Variants in VIT observed in about 807,000 individuals in gnomAD.
VIT encodes the protein vitrin.
VIT carries 99 observed loss-of-function variants against 78.0 expected under a neutral mutation model. That is an observed-to-expected ratio of 1.27 (90% CI 1.08 to 1.50). The LOEUF (loss-of-function observed/expected upper bound fraction) is 1.50, where lower values mean the gene tolerates loss of function less well. Ranked by LOEUF, VIT falls within the 40% of genes most tolerant of loss-of-function variation. The pLI, the probability that VIT is intolerant of heterozygous loss-of-function variation, is 0.00. For synonymous variants in VIT, 374 were observed against 334.3 expected (o/e 1.12, Z -1.29); for missense variants, 1,126 against 875.3 (o/e 1.29, Z -3.61).
intron 1 of VIT, among the ~76,000 whole-genome samples, chr2:36,713,312 C>A (rs577658655): frequency 2.0e-5 from 3 of 152,232 alleles, no homozygotes; most frequent in Admixed American, 2.0e-4. Context: ...GTGCAGAGAC[C>A]CTGAGGTAAA....
At chr2:36,731,463 C>T (rs956015877) in intron 3 of VIT, among the ~76,000 whole-genome samples, 6 of 151,916 alleles carry the variant, frequency 3.9e-5, no homozygotes, top group Middle Eastern at 3.4e-3. Context: ...TTAGTAGAAA[C>T]GGGGTTTCAC....
At chr2:36,708,369 T>A (rs1356546093) in intron 1 of VIT, among the ~76,000 whole-genome samples, 2 of 152,196 alleles carry the variant, frequency 1.3e-5, no homozygotes, top group African/African-American at 2.4e-5. Context: ...AGAGTATGGT[T>A]GGGTGCTCCC....
chr2:36,808,402 A>T (rs547557617), intron 14 of VIT, 70 bp from the exon 15 acceptor site: 571 of 1,518,874 alleles, frequency 3.8e-4, no homozygotes, highest in Non-Finnish European at 4.8e-4. Context: ...GCCCCGGGGG[A>T]TCAAGCCTAA....
At position 36,783,385 on chromosome 2, in the gene VIT, T is replaced by C. The variant is rs773001388; in HGVS notation, c.893T>C (p.Val298Ala). ...EELSTQSLEP[V>A]SLGDPNCKID... ...TTGAGCACACAGTCTTTGGAGCCAG[T>C]ATCCCTGGGAGATCCAAGTAAGTTA... is the stretch of plus-strand genomic sequence containing the variant. The change falls in exon 11 of 16, where the codon GTA becomes GCA. Residue 298 changes from valine to alanine, a missense_variant. Transcript: ENST00000379242. 1.2e-6 allele frequency: 2 copies of C among 1,614,078 alleles called. No individual in the cohort carries two copies. The highest frequency in any genetic ancestry group is 1.3e-5 in the African/African-American group (1 of 74,930).
At chr2:36,762,951 T>G (rs1262577875) in intron 6 of VIT, among the ~76,000 whole-genome samples, 1 of 152,216 alleles carries the variant, frequency 6.6e-6, no homozygotes, top group African/African-American at 2.4e-5. Flanking sequence ...GGCAGGCAGC[T>G]GCTTTTTGGC....
chr2:36,742,924 C>G (rs1667920221), intron 3 of VIT, among the ~76,000 whole-genome samples, 176 bp from the exon 4 acceptor site: 1 of 152,122 alleles, frequency 6.6e-6, no homozygotes, highest in Non-Finnish European at 1.5e-5. Context: ...CATTGTGGTT[C>G]TTTTGGTCTG....
intron 6 of VIT, chr2:36,759,273 C>G: frequency 6.8e-7 from 1 of 1,474,772 alleles, no homozygotes. Flanking sequence ...GATTGTGTCT[C>G]TATATTTGTG....
rs145652232 is a variant in VIT at position 36,798,011 on chromosome 2, C to T, written c.1059-3290C>T. Among the ~76,000 whole-genome samples, 468 of 151,856 alleles carry T rather than the reference C, an allele frequency of 3.1e-3. 3 individuals carry two copies. Among genetic ancestry groups the T allele is most frequent in the African/African-American group, 0.01 (433 of 41,382 alleles). ...AGATGAGGGAAGAAGTGAGCAAATG[C>T]ACAAAGCTAGAAAAGTGGGAAAGGG... On this transcript the variant is annotated intron_variant, in intron 12 of 15. Coordinates refer to ENST00000379242, the MANE Select transcript of VIT (RefSeq NM_053276.4).
At chr2:36,743,803 AT>A (rs928073863) in intron 4 of VIT, among the ~76,000 whole-genome samples, 5 of 149,760 alleles carry the variant, frequency 3.3e-5, no homozygotes, top group Admixed American at 6.7e-5. Flanking sequence ...CTCTTTTTTA[AT>A]TTTTTTTTTC....
chr2:36,750,448 G>A (rs576468193), intron 4 of VIT, among the ~76,000 whole-genome samples: 1 of 152,132 alleles, frequency 6.6e-6, no homozygotes, highest in African/African-American at 2.4e-5. Context: ...GGCACTTGCT[G>A]GGTCTCTCTT....
chr2:36,731,521 C>T (rs899292255), intron 3 of VIT, among the ~76,000 whole-genome samples: 4 of 152,150 alleles, frequency 2.6e-5, no homozygotes, highest in Non-Finnish European at 4.4e-5. Flanking sequence ...GATCCACCTG[C>T]CTTGGCCTCA....
At chr2:36,748,138 A>T (rs945537002) in intron 4 of VIT, among the ~76,000 whole-genome samples, 1 of 151,956 alleles carries the variant, frequency 6.6e-6, no homozygotes, top group African/African-American at 2.4e-5. Context: ...TGACCCTTTG[A>T]TTACCTTTAA....
Position 36,781,779 on chromosome 2 carries a change from T to C in VIT, c.847+8T>C. The stretch of plus-strand genomic sequence containing the variant: ...CGGTCCTTTTAGATGAAGGTAATTA[T>C]ACAGCCCAACCTCTCAGCCACGCGT... On this transcript the variant is annotated splice_region_variant and intron_variant, in intron 10 of 15. Coordinates refer to ENST00000379242, the MANE Select transcript of VIT (RefSeq NM_053276.4). 1 of 1,614,176 alleles carries C rather than the reference T, an allele frequency of 6.2e-7. No individual in the cohort carries two copies. Among genetic ancestry groups the C allele is most frequent in the Non-Finnish European group, 8.5e-7 (1 of 1,180,006 alleles).
chr2:36,797,763 A>T (rs1055345613), intron 12 of VIT, among the ~76,000 whole-genome samples: 1 of 152,240 alleles, frequency 6.6e-6, no homozygotes, highest in East Asian at 1.9e-4. Flanking sequence ...GAGATGCATG[A>T]TGGGGCTAGC....
chr2:36,791,662 AG>A (rs1665512019), intron 12 of VIT, among the ~76,000 whole-genome samples: 1 of 152,150 alleles, frequency 6.6e-6, no homozygotes, highest in African/African-American at 2.4e-5. Flanking sequence ...TTGAAGATGG[AG>A]GAAAGGGACA....
At chr2:36,767,710 G>T (rs1373573636) in intron 7 of VIT, among the ~76,000 whole-genome samples, 1 of 152,132 alleles carries the variant, frequency 6.6e-6, no homozygotes, top group Non-Finnish European at 1.5e-5. Context: ...TTTTCTGATG[G>T]TTTTTTGTCT....
At chr2:36,737,809 T>A (rs531700632) in intron 3 of VIT, among the ~76,000 whole-genome samples, 3 of 152,320 alleles carry the variant, frequency 2.0e-5, no homozygotes, top group South Asian at 2.1e-4. Flanking sequence ...TAATCCCCAG[T>A]GTTTCTTGCT....
In VIT at chr2:36,814,467, C is replaced by T; in HGVS notation, c.*106C>T. On this transcript the variant is annotated 3_prime_UTR_variant, in exon 16 of 16. Transcript: ENST00000379242. ...ACGGTGCATCAAGTCTTGGGCAGGG[C>T]ATGGAGAAACAAATGTCTTGTTATT... is the stretch of plus-strand genomic sequence containing the variant. 1 of 1,305,158 alleles carries T rather than the reference C, an allele frequency of 7.7e-7. No individual in the cohort carries two copies. The highest frequency in any genetic ancestry group is 1.0e-6 in the Non-Finnish European group (1 of 962,572). 80.8% of individuals were successfully genotyped at this position (1,305,158 alleles called of 1,614,324 possible).
chr2:36,814,146 T>C (rs181757629), intron 15 of VIT, 37 bp from the exon 16 acceptor site: 2 of 1,599,078 alleles, frequency 1.3e-6, no homozygotes, highest in Non-Finnish European at 1.7e-6. Context: ...GCACCTTTAC[T>C]TGGGGACATT....
Sources: allele counts gnomAD v4.1 joint callset (sites outside exome capture counted in the v4.1 genomes callset), GRCh38; gene constraint gnomAD v4.1.1; transcripts MANE v1.5; gene names NCBI Gene and HGNC (gene_info 2026-07-23, HGNC 2026-07-21).